WASF3: variants seen among roughly 807,000 people sequenced by gnomAD.
WASF3 encodes actin-binding protein WASF3.
Under a neutral mutation model 46.6 loss-of-function variants are expected in WASF3, and 11 were observed. The ratio of observed to expected loss-of-function variants is 0.24; its 90% CI spans 0.15 to 0.39. WASF3 has a LOEUF of 0.39. Ranked by LOEUF, WASF3 falls within the 10% of genes least tolerant of loss-of-function variation. The probability of loss-of-function intolerance (pLI) is 1.00; values close to 1 mark genes in which losing one functional copy is unlikely to be tolerated. For synonymous variants in WASF3, 242 were observed against 259.7 expected (o/e 0.93, Z 0.65); for missense variants, 576 against 669.8 (o/e 0.86, Z 1.55).
At chr13:26,599,739 G>A (rs936850058) in intron 1 of WASF3, among the ~76,000 whole-genome samples, 4 of 152,154 alleles carry the variant, frequency 2.6e-5, no homozygotes, top group Non-Finnish European at 5.9e-5. Flanking sequence ...CTTTGCCTAT[G>A]AAGGCCTTCT....
chr13:26,674,683 A>C (rs1000526754), intron 6 of WASF3, among the ~76,000 whole-genome samples: 7 of 152,252 alleles, frequency 4.6e-5, no homozygotes, highest in African/African-American at 1.7e-4. Flanking sequence ...TAAATGCTTC[A>C]TAAATTACCC....
intron 1 of WASF3, among the ~76,000 whole-genome samples, chr13:26,565,569 T>C (rs508206): frequency 0.99 from 150,501 of 152,324 alleles, 74,374 homozygotes; most frequent in East Asian, 1. Flanking sequence ...TGTCATATAT[T>C]GTTTAGAGTT....
At chr13:26,669,139 T>C (rs1882854408) in intron 5 of WASF3, among the ~76,000 whole-genome samples, 1 of 152,124 alleles carries the variant, frequency 6.6e-6, no homozygotes, top group Non-Finnish European at 1.5e-5. Context: ...GAAAACTGAT[T>C]TGACTTTCAC....
chr13:26,671,365 A>G (rs555155230), intron 5 of WASF3, among the ~76,000 whole-genome samples: 1 of 152,342 alleles, frequency 6.6e-6, no homozygotes, highest in South Asian at 2.1e-4. Flanking sequence ...TTGATGCCCC[A>G]TAAACATTTT....
chr13:26,646,715 C>A (rs1295535057), intron 3 of WASF3, among the ~76,000 whole-genome samples: 1 of 151,438 alleles, frequency 6.6e-6, no homozygotes, highest in Non-Finnish European at 1.5e-5. Context: ...TGAGCCTGCC[C>A]TGGTCATCCC....
chr13:26,618,671 T>A (rs1466060616), intron 2 of WASF3: 1 of 152,252 alleles, frequency 6.6e-6, no homozygotes, highest in Non-Finnish European at 1.5e-5. Flanking sequence ...TCATTTCCAG[T>A]TTATCTCTAT....
chr13:26,578,151 A>G (rs1879858085), intron 1 of WASF3, among the ~76,000 whole-genome samples: 1 of 152,048 alleles, frequency 6.6e-6, no homozygotes. Context: ...ATTGCACTGG[A>G]TAGAACTTCC....
intron 3 of WASF3, among the ~76,000 whole-genome samples, chr13:26,648,008 G>T (rs1351405720): frequency 6.6e-6 from 1 of 151,978 alleles, no homozygotes; most frequent in African/African-American, 2.4e-5. Context: ...TTATTATATT[G>T]ATACACCATA....
chr13:26,600,474 G>A (rs931937819), intron 1 of WASF3, among the ~76,000 whole-genome samples: 1 of 152,194 alleles, frequency 6.6e-6, no homozygotes, highest in African/African-American at 2.4e-5. Flanking sequence ...AGCATGGCAG[G>A]CTCAGTAGCA....
At chr13:26,667,445 C>A in intron 4 of WASF3, 72 bp from the exon 5 acceptor site, 1 of 1,362,898 alleles carries the variant, frequency 7.3e-7, no homozygotes, top group Non-Finnish European at 9.9e-7. Flanking sequence ...AATTGTGAGT[C>A]AAATGGTATT....
chr13:26,598,819 G>T (rs549393353), intron 1 of WASF3, among the ~76,000 whole-genome samples: 1 of 152,258 alleles, frequency 6.6e-6, no homozygotes, highest in East Asian at 1.9e-4. Flanking sequence ...TCTTTCGATG[G>T]CTTTCAGCTC....
chr13:26,605,401 G>A (rs1032880255), intron 1 of WASF3, among the ~76,000 whole-genome samples: 1 of 152,136 alleles, frequency 6.6e-6, no homozygotes. Flanking sequence ...ATGCTTGTGT[G>A]GCACTTAAAA....
the WASF3 span, among the ~76,000 whole-genome samples, chr13:26,549,213 C>A: frequency 2.5e-3 from 387 of 152,190 alleles, 1 homozygote; most frequent in African/African-American, 8.9e-3. Context: ...ATCTCCTGAC[C>A]TCATGATCCA....
chr13:26,670,536 A>T (rs1240933463), intron 5 of WASF3, among the ~76,000 whole-genome samples: 1 of 152,210 alleles, frequency 6.6e-6, no homozygotes, highest in African/African-American at 2.4e-5. Context: ...GTCAAGGTTA[A>T]CATTTGCTTA....
Position 26,682,456 on chromosome 13 carries a change from C to A in WASF3, c.984-151C>A. On this transcript the variant is annotated intron_variant, in intron 8 of 9. Transcript: ENST00000335327. This position sits in a 1 kb window ranked among gnomAD's most constrained non-coding sequence, Gnocchi z 4.4. ...ATGTCAAACTGTGAAAATAACTGAC[C>A]CAAGGTGTGCATGTTTGCATCCTGC... 1.2e-6 allele frequency: 1 copy of A among 863,272 alleles called. No individual in the cohort carries two copies. Among genetic ancestry groups the A allele is most frequent in the Non-Finnish European group, 1.8e-6 (1 of 542,508 alleles). 53.5% of individuals were successfully genotyped at this position (863,272 alleles called of 1,614,324 possible). A position where few individuals can be genotyped will look rare whatever the true frequency, so the allele number is the denominator to read the frequency against.
intron 1 of WASF3, among the ~76,000 whole-genome samples, chr13:26,594,837 C>T (rs1296219953): frequency 2.0e-5 from 3 of 151,948 alleles, no homozygotes; most frequent in Non-Finnish European, 2.9e-5. Flanking sequence ...GTCTGTCTTC[C>T]TCATTCACTC....
At chr13:26,588,705 C>G (rs1880203062) in intron 1 of WASF3, among the ~76,000 whole-genome samples, 1 of 152,174 alleles carries the variant, frequency 6.6e-6, no homozygotes, top group Admixed American at 6.5e-5. Context: ...CCCTCCCCAT[C>G]CTGGCCAACA....
At chr13:26,627,393 T>TG (rs955146402) in intron 2 of WASF3, among the ~76,000 whole-genome samples, 4 of 151,854 alleles carry the variant, frequency 2.6e-5, no homozygotes, top group Non-Finnish European at 1.5e-5. Flanking sequence ...AAATCAGAGG[T>TG]GGGGTGTACA....
chr13:26,647,410 A>G (rs1882182987), intron 3 of WASF3, among the ~76,000 whole-genome samples: 3 of 151,928 alleles, frequency 2.0e-5, no homozygotes, highest in African/African-American at 7.3e-5. Flanking sequence ...TTTTTTCTTC[A>G]AATAATGACA....
Sources: allele counts gnomAD v4.1 joint callset (sites outside exome capture counted in the v4.1 genomes callset), GRCh38; gene constraint gnomAD v4.1.1; non-coding constraint Gnocchi (gnomAD v3.1); transcripts MANE v1.5; gene names NCBI Gene and HGNC (gene_info 2026-07-23, HGNC 2026-07-21).